STPG4: variants seen among roughly 807,000 people sequenced by gnomAD.
The protein encoded by STPG4 is sperm-tail PG-rich repeat containing 4, also known as protein STPG4.
STPG4 carries 41 observed loss-of-function variants against 31.5 expected under a neutral mutation model. That is an observed-to-expected ratio of 1.30 (90% confidence interval 1.01 to 1.69). STPG4 has a LOEUF of 1.69. Among genes scored for constraint, STPG4 ranks in the 40% most tolerant of loss-of-function variants. The pLI is 0.00. For missense variants in STPG4, 375 were observed against 293.4 expected, an observed-to-expected ratio of 1.28 and a Z score of -2.03; for synonymous variants, 141 against 103.0, an observed-to-expected ratio of 1.37 and a Z score of -2.24.
At chr2:47,155,030 C>T (rs1573206880) in intron 1 of STPG4, 141 bp downstream of exon 1, 2 of 695,346 alleles carry the variant, frequency 2.9e-6, no homozygotes, top group South Asian at 1.7e-5. Flanking sequence ...CAGGTGGAGA[C>T]GTGCGTGAGG....
At chr2:47,107,321 C>T (rs936681940) in intron 5 of STPG4, among the ~76,000 whole-genome samples, 24 of 152,222 alleles carry the variant, frequency 1.6e-4, no homozygotes, top group African/African-American at 3.6e-4. Context: ...GTGGTGCTTG[C>T]GGGCCAGCTG....
At chr2:47,105,290 G>A (rs937549288) in intron 5 of STPG4, among the ~76,000 whole-genome samples, 21 of 151,964 alleles carry the variant, frequency 1.4e-4, no homozygotes, top group Non-Finnish European at 2.9e-4. Context: ...CGCTGTTTAA[G>A]GGTAGTTGCA....
chr2:47,137,567 C>T (rs1451253823), intron 3 of STPG4, among the ~76,000 whole-genome samples: 2 of 152,144 alleles, frequency 1.3e-5, no homozygotes, highest in Non-Finnish European at 2.9e-5. Context: ...ATAATTCCTT[C>T]CTTAAATATT....
intron 5 of STPG4, among the ~76,000 whole-genome samples, chr2:47,095,693 A>C (rs1685657185): frequency 6.6e-6 from 1 of 152,184 alleles, no homozygotes; most frequent in Non-Finnish European, 1.5e-5. Context: ...CTGTCTCCTA[A>C]CAGCTGCTCT....
chr2:47,130,774 C>G (rs1686464580), intron 3 of STPG4, among the ~76,000 whole-genome samples: 1 of 152,180 alleles, frequency 6.6e-6, no homozygotes, highest in Non-Finnish European at 1.5e-5. Context: ...CTCAGCCTCC[C>G]AAAGTACTGG....
chr2:47,093,826 A>G (rs543431777), intron 5 of STPG4, among the ~76,000 whole-genome samples: 1 of 152,340 alleles, frequency 6.6e-6, no homozygotes, highest in Non-Finnish European at 1.5e-5. Context: ...TATAAGCCCA[A>G]GTTCATATTC....
chr2:47,121,809 C>G (rs897761693), intron 5 of STPG4, among the ~76,000 whole-genome samples: 5 of 151,202 alleles, frequency 3.3e-5, no homozygotes, highest in Non-Finnish European at 7.4e-5. Flanking sequence ...GGCTGCACCA[C>G]TGTAATCTTT....
intron 5 of STPG4, among the ~76,000 whole-genome samples, chr2:47,119,748 G>C (rs1213426275): frequency 1.3e-5 from 2 of 152,226 alleles, no homozygotes; most frequent in Admixed American, 6.5e-5. Flanking sequence ...GAGGTTTGTA[G>C]TAGAAAACGG....
chr2:47,132,212 A>C (rs1050481743), intron 3 of STPG4, among the ~76,000 whole-genome samples: 1 of 150,958 alleles, frequency 6.6e-6, no homozygotes, highest in African/African-American at 2.4e-5. Context: ...TAGGGAAAGA[A>C]GGAAGGAGAA....
Position 47,127,295 on chromosome 2 carries a change from G to T in STPG4, c.519+2646C>A, listed in dbSNP as rs1357293021. Among the ~76,000 whole-genome samples, 6 of 69,104 alleles carry T rather than the reference G, an allele frequency of 8.7e-5. No individual in the cohort carries two copies. In the South Asian group the frequency reaches 2.3e-3, roughly 27 times the overall value. 45.3% of individuals were successfully genotyped at this position (69,104 alleles called of 152,430 possible). ...TTTTTTTTTTTTTTTTTGAGACAGA[G>T]TCTTACTCTGTTGCCCAGGCTGGAG... On this transcript the variant is annotated intron_variant, in intron 5 of 6. Coordinates refer to ENST00000445927, the MANE Select transcript of STPG4 (RefSeq NM_001163561.2).
At chr2:47,092,773 C>A (rs1434370517) in intron 5 of STPG4, among the ~76,000 whole-genome samples, 1 of 148,050 alleles carries the variant, frequency 6.8e-6, no homozygotes. Context: ...AGAAGAAGCA[C>A]TGCACTGCAG....
At chr2:47,143,571 C>T (rs975172820) in intron 3 of STPG4, among the ~76,000 whole-genome samples, 17 of 151,606 alleles carry the variant, frequency 1.1e-4, no homozygotes, top group Admixed American at 2.0e-4. Flanking sequence ...CTGCAAGCTC[C>T]GCCTCCTGGG....
At chr2:47,101,293 C>A (rs891903433) in intron 5 of STPG4, among the ~76,000 whole-genome samples, 5 of 151,746 alleles carry the variant, frequency 3.3e-5, no homozygotes, top group African/African-American at 9.7e-5. Flanking sequence ...GAACCAGCTT[C>A]TGCTTTTCCT....
rs539955289 is a variant in STPG4 at position 47,087,095 on chromosome 2, T to C, written c.660A>G (p.Arg220=). The change falls in exon 7 of 7, where the codon AGA becomes AGG. Residue 220 remains arginine (R), a synonymous_variant. Coordinates refer to ENST00000445927, the MANE Select transcript of STPG4 (RefSeq NM_001163561.2). The part of the protein sequence containing the change: ...TPGPGAYTTL[R]QFPKQSPTIA... ...TGGTCGGAGACTGCTTAGGGAATTG[T>C]CTTAAAGTTGTATATGCTCCTGGGC... 5 of 1,551,798 alleles carry C rather than the reference T, an allele frequency of 3.2e-6. No individual in the cohort carries two copies. The East Asian group carries it at 9.8e-5, about 30-fold the overall frequency.
intron 5 of STPG4, among the ~76,000 whole-genome samples, chr2:47,119,810 T>G (rs1686230706): frequency 6.6e-6 from 1 of 152,156 alleles, no homozygotes; most frequent in African/African-American, 2.4e-5. Flanking sequence ...CAGCTAATGT[T>G]TAAGTCCTGA....
chr2:47,129,191 C>T (rs1025159057), intron 5 of STPG4: 6 of 152,362 alleles, frequency 3.9e-5, no homozygotes, highest in African/African-American at 1.4e-4. Flanking sequence ...CCCTCTCCTC[C>T]TCTCAAGCAA....
chr2:47,115,721 C>G (rs775576106), intron 5 of STPG4, among the ~76,000 whole-genome samples: 1 of 140,452 alleles, frequency 7.1e-6, no homozygotes, highest in East Asian at 2.1e-4. Flanking sequence ...GACGCGATCT[C>G]GGCTCACTGC....
intron 5 of STPG4, among the ~76,000 whole-genome samples, chr2:47,090,580 G>A (rs189307814): frequency 2.6e-5 from 4 of 152,258 alleles, no homozygotes; most frequent in South Asian, 2.1e-4. Context: ...CCTTGTGCAC[G>A]ATGGTGAGGA....
At chr2:47,130,671 C>A (rs558780518) in intron 3 of STPG4, among the ~76,000 whole-genome samples, 1 of 152,004 alleles carries the variant, frequency 6.6e-6, no homozygotes, top group African/African-American at 2.4e-5. Flanking sequence ...CACACCACCA[C>A]GCCCAGCTAA....
Sources: allele counts gnomAD v4.1 joint callset (sites outside exome capture counted in the v4.1 genomes callset), GRCh38; gene constraint gnomAD v4.1.1; transcripts MANE v1.5; gene names NCBI Gene and HGNC (gene_info 2026-07-23, HGNC 2026-07-21).